The following HCN1 variants were observed in gnomAD, a reference collection of about 807,000 sequenced individuals.
The protein encoded by HCN1 is potassium/sodium hyperpolarization-activated cyclic nucleotide-gated channel 1.
A neutral mutation model predicts 78.9 loss-of-function variants in HCN1; 13 were observed. The observed-to-expected ratio is 0.16, with a 90% CI of 0.11 to 0.26. The LOEUF is 0.26. HCN1 is among the 10% of genes least tolerant of loss of function. HCN1 has a pLI of 1.00. For synonymous variants in HCN1, 552 were observed against 455.5 expected (o/e 1.21, Z -2.70); for missense variants, 810 against 1,154.3 (o/e 0.70, Z 4.32).
Position 45,262,684 on chromosome 5 carries a change from G to A in HCN1, c.1910C>T (p.Ala637Val), listed in dbSNP as rs1394179231. The change falls in exon 8 of 8, where the codon GCT becomes GTT. Residue 637 changes from alanine (A) to valine (V), a missense_variant. Around this residue, in one of 6 missense-constraint regions of HCN1, gnomAD observed 398 missense variants for 381.3 expected, o/e 1.04. Coordinates refer to ENST00000303230, the MANE Select transcript of HCN1 (RefSeq NM_021072.4). ...TGTCATTTGAGGATAATTGATGGGAGCGATTGCCTGCACCATCTCCCTGTC... is the reference window on the plus strand; with the variant it reads ...TGTCATTTGAGGATAATTGATGGGAACGATTGCCTGCACCATCTCCCTGTC... ...KHDREMVQAIAPINYPQMTTL... is the reference protein window; with the variant it reads ...KHDREMVQAIVPINYPQMTTL... The A allele has an allele frequency of 1.2e-6, 2 of 1,614,010 alleles. No homozygotes were observed. Among genetic ancestry groups the A allele is most frequent in the African/African-American group, 2.7e-5 (2 of 74,912 alleles).
chr5:45,551,269 A>C (rs7729881), intron 2 of HCN1, among the ~76,000 whole-genome samples: 1 of 151,964 alleles, frequency 6.6e-6, no homozygotes, highest in Non-Finnish European at 1.5e-5. Flanking sequence ...ACAGCAAACT[A>C]ATGACGAAAA....
At chr5:45,287,681 A>T (rs1745294549) in intron 6 of HCN1, among the ~76,000 whole-genome samples, 1 of 152,036 alleles carries the variant, frequency 6.6e-6, no homozygotes, top group Non-Finnish European at 1.5e-5. Context: ...ATGATTATTT[A>T]TTCCACCCTT....
chr5:45,345,303 G>A (rs942673683), intron 5 of HCN1, among the ~76,000 whole-genome samples: 1 of 152,150 alleles, frequency 6.6e-6, no homozygotes, highest in African/African-American at 2.4e-5. Flanking sequence ...GTGATGGGAG[G>A]GGCTAATGGG....
At chr5:45,570,956 TATG>T (rs1239993009) in intron 2 of HCN1, among the ~76,000 whole-genome samples, 1 of 152,146 alleles carries the variant, frequency 6.6e-6, no homozygotes. Flanking sequence ...AATAAATACT[TATG>T]AGGATTATGG....
At chr5:45,347,440 C>A (rs550767429) in intron 5 of HCN1, among the ~76,000 whole-genome samples, 5 of 152,254 alleles carry the variant, frequency 3.3e-5, no homozygotes, top group Non-Finnish European at 5.9e-5. Flanking sequence ...AAACTGGAAA[C>A]TCTAAAAAGC....
chr5:45,581,363 G>T (rs747228040), intron 2 of HCN1, among the ~76,000 whole-genome samples: 1 of 151,964 alleles, frequency 6.6e-6, no homozygotes, highest in South Asian at 2.1e-4. Flanking sequence ...TTTTTGATGG[G>T]GTTGTTTGTT....
At chr5:45,419,700 G>A (rs1373065068) in intron 3 of HCN1, among the ~76,000 whole-genome samples, 2 of 152,142 alleles carry the variant, frequency 1.3e-5, no homozygotes, top group Admixed American at 1.3e-4. Context: ...GACCAGTACT[G>A]GGGCTCCCGC....
chr5:45,373,560 A>G (rs1304069527), intron 4 of HCN1, among the ~76,000 whole-genome samples: 1 of 141,238 alleles, frequency 7.1e-6, no homozygotes, highest in Non-Finnish European at 1.5e-5. Flanking sequence ...AATATATATT[A>G]CATACATTAT....
chr5:45,443,232 C>T lies in HCN1; in HGVS notation c.1011+18614G>A, dbSNP rs1304091866. Among the ~76,000 whole-genome samples, 3 of 151,964 alleles carry T rather than the reference C, an allele frequency of 2.0e-5. No individual in the cohort carries two copies. The East Asian group carries it at 5.8e-4, about 29-fold the overall frequency. ...TACAGGGCACTGGATTGGACTGAAC[C>T]TGCATTAATTCCATAGCCAAGAATT... is the stretch of plus-strand genomic sequence containing the variant. On this transcript the variant is annotated intron_variant, in intron 3 of 7. Transcript: ENST00000303230.
intron 2 of HCN1, among the ~76,000 whole-genome samples, chr5:45,626,032 C>T (rs1323424508): frequency 6.6e-6 from 1 of 152,140 alleles, no homozygotes; most frequent in South Asian, 2.1e-4. Context: ...TACAGAGATA[C>T]TAGCTCCTTC....
intron 2 of HCN1, among the ~76,000 whole-genome samples, chr5:45,618,576 G>A (rs1744999178): frequency 6.6e-6 from 1 of 152,142 alleles, no homozygotes; most frequent in Admixed American, 6.6e-5. Flanking sequence ...AGCAGTTAGA[G>A]AACACGTGTA....
At chr5:45,303,915 A>G in intron 5 of HCN1, 76 bp from the exon 6 acceptor site, 1 of 1,257,752 alleles carries the variant, frequency 8.0e-7, no homozygotes, top group Non-Finnish European at 1.2e-6. Flanking sequence ...TGAAATTTAA[A>G]ATATATACAG....
intron 2 of HCN1, among the ~76,000 whole-genome samples, chr5:45,620,180 G>C (rs969638170): frequency 6.6e-6 from 1 of 151,894 alleles, no homozygotes; most frequent in African/African-American, 2.4e-5. Flanking sequence ...AACAAGGAAA[G>C]ACTAAGAAAC....
At chr5:45,311,307 T>C (rs999899978) in intron 5 of HCN1, among the ~76,000 whole-genome samples, 4 of 152,210 alleles carry the variant, frequency 2.6e-5, no homozygotes, top group African/African-American at 9.6e-5. Flanking sequence ...ATAATTTATA[T>C]AGCATCAATA....
At chr5:45,615,220 C>T (rs1744919246) in intron 2 of HCN1, among the ~76,000 whole-genome samples, 1 of 151,960 alleles carries the variant, frequency 6.6e-6, no homozygotes, top group African/African-American at 2.4e-5. Flanking sequence ...GAAATCTTTG[C>T]AAATTAAGCA....
chr5:45,582,807 T>C (rs112265172), intron 2 of HCN1, among the ~76,000 whole-genome samples: 1 of 152,168 alleles, frequency 6.6e-6, no homozygotes, highest in Non-Finnish European at 1.5e-5. Context: ...GTTCTGTTTA[T>C]ATACTGGATT....
chr5:45,596,101 T>G (rs536020908), intron 2 of HCN1, among the ~76,000 whole-genome samples: 1 of 152,162 alleles, frequency 6.6e-6, no homozygotes, highest in Admixed American at 6.5e-5. Context: ...GGTTTCACCA[T>G]GTTAGCTAGG....
At chr5:45,376,687 G>C (rs1050748841) in intron 4 of HCN1, among the ~76,000 whole-genome samples, 6 of 151,868 alleles carry the variant, frequency 4.0e-5, no homozygotes, top group Non-Finnish European at 8.8e-5. Context: ...ATATCTTCAT[G>C]AGGACCCTGA....
At chr5:45,280,787 T>G (rs1052500448) in intron 6 of HCN1, among the ~76,000 whole-genome samples, 1 of 152,202 alleles carries the variant, frequency 6.6e-6, no homozygotes. Flanking sequence ...GACATTTGCT[T>G]TAATTATGCA....
Sources: gnomAD v4.1 joint callset for allele counts (sites outside exome capture counted in the v4.1 genomes callset) on GRCh38, gnomAD v4.1.1 for gene constraint, gnomAD v4.1.1 regional missense constraint, MANE v1.5 for transcripts, NCBI Gene and HGNC (gene_info 2026-07-23, HGNC 2026-07-21) for gene names.